The following CNTNAP4 variants were observed in gnomAD, a reference collection of about 807,000 sequenced individuals.
The protein encoded by CNTNAP4 is contactin-associated protein-like 4.
A neutral mutation model predicts 148.4 loss-of-function variants in CNTNAP4; 98 were observed. The observed-to-expected ratio is 0.66, with a 90% CI of 0.56 to 0.78. The LOEUF is 0.78. CNTNAP4 is among the 30% of genes least tolerant of loss of function. The pLI, the probability that CNTNAP4 is intolerant of heterozygous loss-of-function variation, is 0.00. For missense variants in CNTNAP4, 1,935 were observed against 1,565.6 expected (o/e 1.24, Z -3.98); for synonymous variants, 730 against 565.1 (o/e 1.29, Z -4.14).
chr16:76,483,969 A>AT (rs2081932995), intron 12 of CNTNAP4, among the ~76,000 whole-genome samples: 1 of 152,084 alleles, frequency 6.6e-6, no homozygotes, highest in African/African-American at 2.4e-5. Context: ...GGCCATATGT[A>AT]TTTTTTATTA....
intron 17 of CNTNAP4, among the ~76,000 whole-genome samples, chr16:76,523,135 A>G (rs1183105570): frequency 6.6e-6 from 1 of 151,966 alleles, no homozygotes; most frequent in Admixed American, 6.6e-5. Flanking sequence ...TTATTGTTTT[A>G]TTATGATACC....
chr16:76,446,160 G>A (rs945808744), intron 4 of CNTNAP4, among the ~76,000 whole-genome samples: 45 of 152,124 alleles, frequency 3.0e-4, no homozygotes, highest in African/African-American at 1.1e-3. Flanking sequence ...AGGGTGGTGT[G>A]TATAGACATT....
intron 17 of CNTNAP4, among the ~76,000 whole-genome samples, chr16:76,524,611 C>G (rs2083634419): frequency 6.6e-6 from 1 of 152,150 alleles, no homozygotes; most frequent in South Asian, 2.1e-4. Context: ...AGTATGTCAT[C>G]AGAAAACTGC....
chr16:76,376,051 G>A (rs1229471664), intron 3 of CNTNAP4, among the ~76,000 whole-genome samples: 1 of 151,994 alleles, frequency 6.6e-6, no homozygotes, highest in Non-Finnish European at 1.5e-5. Flanking sequence ...ACAAGAAGGA[G>A]CAGGAGAAAG....
intron 17 of CNTNAP4, among the ~76,000 whole-genome samples, chr16:76,524,021 C>A (rs535619211): frequency 8.5e-5 from 13 of 152,284 alleles, no homozygotes; most frequent in African/African-American, 3.1e-4. Context: ...CCTTTTATTT[C>A]TTAAGAGTCT....
At chr16:76,389,543 T>A (rs1475446235) in intron 3 of CNTNAP4, among the ~76,000 whole-genome samples, 1 of 152,182 alleles carries the variant, frequency 6.6e-6, no homozygotes, top group Non-Finnish European at 1.5e-5. Flanking sequence ...AACATCCTCA[T>A]CCCGAGTTCA....
chr16:76,286,124 T>C (rs1459834895), intron 1 of CNTNAP4, among the ~76,000 whole-genome samples: 2 of 147,602 alleles, frequency 1.4e-5, no homozygotes, highest in Non-Finnish European at 2.9e-5. Flanking sequence ...AAAAAGGAAC[T>C]AGATTGAAAG....
At chr16:76,329,150 A>T (rs1444565680) in intron 2 of CNTNAP4, among the ~76,000 whole-genome samples, 1 of 152,196 alleles carries the variant, frequency 6.6e-6, no homozygotes, top group African/African-American at 2.4e-5. Flanking sequence ...CATGGTAAAA[A>T]CTCATTTGAG....
chr16:76,326,116 C>T (rs1000499357), intron 2 of CNTNAP4, among the ~76,000 whole-genome samples: 5 of 152,156 alleles, frequency 3.3e-5, no homozygotes, highest in Admixed American at 1.3e-4. Context: ...TACTCCCTAA[C>T]TCATTCAAGG....
Position 76,318,536 on chromosome 16 carries a change from C to A in CNTNAP4, c.196+2013C>A, listed in dbSNP as rs367775291. 2.0e-5 allele frequency among the ~76,000 whole-genome samples: 3 copies of A among 151,578 alleles called. No individual in the cohort carries two copies. In the East Asian group the frequency reaches 5.8e-4, roughly 29 times the overall value. ...TTAATTATCTTTTGCTGGTTGTAAACCTACTTGATTACATTTTTCTTTTTG... is the reference window on the plus strand; with the variant it reads ...TTAATTATCTTTTGCTGGTTGTAAAACTACTTGATTACATTTTTCTTTTTG... On this transcript the variant is annotated intron_variant, in intron 2 of 23. Transcript: ENST00000611870.
At chr16:76,528,503 G>C (rs1260422649) in intron 17 of CNTNAP4, among the ~76,000 whole-genome samples, 1 of 152,154 alleles carries the variant, frequency 6.6e-6, no homozygotes, top group African/African-American at 2.4e-5. Context: ...GGGTTCAAAA[G>C]ATCCACCCGC....
intron 3 of CNTNAP4, among the ~76,000 whole-genome samples, chr16:76,367,579 A>G (rs1567876651): frequency 6.6e-6 from 1 of 152,230 alleles, no homozygotes; most frequent in African/African-American, 2.4e-5. Flanking sequence ...GACTGACTGA[A>G]TAGGCTTCAT....
intron 1 of CNTNAP4, among the ~76,000 whole-genome samples, chr16:76,315,425 G>GT (rs992891692): frequency 6.6e-6 from 1 of 152,162 alleles, no homozygotes; most frequent in African/African-American, 2.4e-5. Flanking sequence ...ATGACAAGTT[G>GT]TTTTTATAAA....
chr16:76,410,449 A>G (rs2078753475), intron 3 of CNTNAP4, among the ~76,000 whole-genome samples: 2 of 151,650 alleles, frequency 1.3e-5, no homozygotes, highest in Non-Finnish European at 3.0e-5. Flanking sequence ...TGAGCCATTT[A>G]CTGGTTGGTT....
At chr16:76,405,828 A>G (rs1199816846) in intron 3 of CNTNAP4, among the ~76,000 whole-genome samples, 1 of 151,708 alleles carries the variant, frequency 6.6e-6, no homozygotes, top group Non-Finnish European at 1.5e-5. Context: ...TTTTTTTTAC[A>G]TAGCTAAAGA....
intron 2 of CNTNAP4, among the ~76,000 whole-genome samples, chr16:76,352,419 C>G (rs915522138): frequency 6.6e-6 from 1 of 152,146 alleles, no homozygotes; most frequent in Non-Finnish European, 1.5e-5. Context: ...CTTCCCTGAT[C>G]TCCAGGAGCA....
At chr16:76,368,498 A>C in intron 3 of CNTNAP4, among the ~76,000 whole-genome samples, 1 of 152,234 alleles carries the variant, frequency 6.6e-6, no homozygotes, top group East Asian at 1.9e-4. Flanking sequence ...TGCAGCCCTA[A>C]AAAATGAGTT....
At chr16:76,290,547 C>A (rs1224832400) in intron 1 of CNTNAP4, among the ~76,000 whole-genome samples, 1 of 152,078 alleles carries the variant, frequency 6.6e-6, no homozygotes, top group Non-Finnish European at 1.5e-5. Flanking sequence ...CTTCTTGGTA[C>A]CCAAAGACCT....
At chr16:76,436,328 G>T (rs11149898) in intron 4 of CNTNAP4, among the ~76,000 whole-genome samples, 54,278 of 151,730 alleles carry the variant, frequency 0.36, 10,279 homozygotes, top group Middle Eastern at 0.51. Context: ...CTTCATCAGG[G>T]TCCTCCCGCA....
Sources: gnomAD v4.1 joint callset for allele counts (sites outside exome capture counted in the v4.1 genomes callset) on GRCh38, gnomAD v4.1.1 for gene constraint, MANE v1.5 for transcripts, NCBI Gene and HGNC (gene_info 2026-07-23, HGNC 2026-07-21) for gene names.